ZCWPW2: variants seen among roughly 807,000 people sequenced by gnomAD.
ZCWPW2 encodes zinc finger CW-type and PWWP domain containing 2, also known as zinc finger CW-type PWWP domain protein 2.
Under a neutral mutation model 46.6 loss-of-function variants are expected in ZCWPW2, and 45 were observed. The ratio of observed to expected loss-of-function variants is 0.96; its 90% CI spans 0.76 to 1.24. The LOEUF (loss-of-function observed/expected upper bound fraction) is 1.24, where lower values mean the gene tolerates loss of function less well. Ranked by LOEUF, ZCWPW2 falls within the 50% of genes most tolerant of loss-of-function variation. ZCWPW2 has a pLI of 0.00. For missense variants in ZCWPW2, 429 were observed against 403.9 expected (o/e 1.06, Z -0.53); for synonymous variants, 152 against 137.1 (o/e 1.11, Z -0.76).
chr3:28,367,598 G>T (rs1262905539), intron 1 of ZCWPW2, among the ~76,000 whole-genome samples: 1 of 152,190 alleles, frequency 6.6e-6, no homozygotes, highest in African/African-American at 2.4e-5. Flanking sequence ...GTGTTGTGTG[G>T]TGCTGAAAAG....
At chr3:28,354,037 T>G (rs548812351) in intron 1 of ZCWPW2, among the ~76,000 whole-genome samples, 5 of 152,334 alleles carry the variant, frequency 3.3e-5, no homozygotes, top group Non-Finnish European at 4.4e-5. Flanking sequence ...AGACGCTGTT[T>G]TAGGCACTGG....
chr3:28,381,586 C>T (rs1695107885), intron 1 of ZCWPW2, among the ~76,000 whole-genome samples: 1 of 151,976 alleles, frequency 6.6e-6, no homozygotes, highest in African/African-American at 2.4e-5. Context: ...GTTAGAACAC[C>T]ACCAGCCTGG....
At chr3:28,466,879 T>C (rs1322208645) in intron 4 of ZCWPW2, among the ~76,000 whole-genome samples, 1 of 152,124 alleles carries the variant, frequency 6.6e-6, no homozygotes, top group Admixed American at 6.6e-5. Flanking sequence ...GAAGATTTAA[T>C]ATGGAAGATG....
intron 4 of ZCWPW2, among the ~76,000 whole-genome samples, chr3:28,454,844 C>T (rs1261648793): frequency 6.6e-6 from 1 of 152,188 alleles, no homozygotes; most frequent in Non-Finnish European, 1.5e-5. Context: ...CATAGTATTT[C>T]ATGTTGTATG....
At chr3:28,350,540 T>G (rs186727138) in intron 1 of ZCWPW2, among the ~76,000 whole-genome samples, 1 of 152,168 alleles carries the variant, frequency 6.6e-6, no homozygotes, top group African/African-American at 2.4e-5. Flanking sequence ...TGTACAAATT[T>G]TATTATTTTA....
chr3:28,421,425 G>T lies in ZCWPW2; in HGVS notation c.332+8025G>T, dbSNP rs546781632. ...CAGTCCAGGCTCACCACTGGCCTTT[G>T]GTATGGGGGTAAATGTGGAGGCCAT... On this transcript the variant is annotated intron_variant, in intron 3 of 9. Coordinates refer to ENST00000383768, the MANE Select transcript of ZCWPW2 (RefSeq NM_001040432.4). Among the ~76,000 whole-genome samples the T allele has an allele frequency of 5.9e-5, 9 of 152,206 alleles. No homozygotes were observed. In the South Asian group the frequency reaches 1.9e-3, roughly 32 times the overall value.
At chr3:28,467,771 C>T (rs564254934) in intron 4 of ZCWPW2, among the ~76,000 whole-genome samples, 13 of 152,282 alleles carry the variant, frequency 8.5e-5, no homozygotes, top group East Asian at 1.9e-4. Flanking sequence ...ACTAGGCTTA[C>T]GGGGCTCACT....
At chr3:28,484,443 T>A (rs138146334) in intron 5 of ZCWPW2, among the ~76,000 whole-genome samples, 1 of 152,214 alleles carries the variant, frequency 6.6e-6, no homozygotes, top group African/African-American at 2.4e-5. Flanking sequence ...TTATATTGAT[T>A]CAATTTCTTT....
intron 5 of ZCWPW2, among the ~76,000 whole-genome samples, chr3:28,491,699 T>A (rs1048259263): frequency 1.3e-5 from 2 of 152,062 alleles, no homozygotes; most frequent in Non-Finnish European, 2.9e-5. Flanking sequence ...TACAAGGTTA[T>A]AATGAGAATT....
chr3:28,389,420 A>G (rs1695401122), intron 1 of ZCWPW2, among the ~76,000 whole-genome samples: 1 of 152,158 alleles, frequency 6.6e-6, no homozygotes, highest in East Asian at 1.9e-4. Flanking sequence ...ATGTTTGAAG[A>G]TACTATATGC....
intron 2 of ZCWPW2, among the ~76,000 whole-genome samples, chr3:28,408,690 C>G (rs1345831327): frequency 6.6e-6 from 1 of 152,128 alleles, no homozygotes; most frequent in Admixed American, 6.6e-5. Context: ...ATTCCAGTGT[C>G]AATTTCATAT....
chr3:28,525,897 CCT>C lies in ZCWPW2; in HGVS notation c.*1210_*1211del, dbSNP rs1344774744. ...TGTCATAGGATGTTGAGTTGTAAAG[CCT>C]ATCTGGGTTCATATTTTACATACTA... is the stretch of plus-strand genomic sequence containing the variant. On this transcript the variant is annotated 3_prime_UTR_variant, in exon 10 of 10. Transcript: ENST00000383768. 6.6e-6 allele frequency among the ~76,000 whole-genome samples: 1 copy of C among 152,080 alleles called. No individual in the cohort carries two copies. The highest frequency in any genetic ancestry group is 2.4e-5 in the African/African-American group (1 of 41,402).
At chr3:28,470,492 T>TAA (rs751954217) in intron 4 of ZCWPW2, among the ~76,000 whole-genome samples, 27 of 87,644 alleles carry the variant, frequency 3.1e-4, no homozygotes, top group African/African-American at 1.1e-3. Context: ...GACTCCGTCT[T>TAA]AAAAAAAAAA....
Position 28,435,206 on chromosome 3 carries a change from C to T in ZCWPW2, c.429C>T (p.Gly143=), listed in dbSNP as rs757075731. The T allele has an allele frequency of 7.3e-5, 118 of 1,613,118 alleles. No individual in the cohort carries two copies. The highest frequency in any genetic ancestry group is 2.6e-4 in the South Asian group (24 of 90,944). The change falls in exon 4 of 10, where the codon GGC becomes GGT. Residue 143 remains glycine (G), a synonymous_variant. Transcript: ENST00000383768. ...AAGAGTATCACATAGAATTCCTGGG[C>T]GATCCCCATTCAAGATCATGGATAA... ...NVEEYHIEFL[G]DPHSRSWIKA...
chr3:28,388,768 T>C (rs1695375789), intron 1 of ZCWPW2, among the ~76,000 whole-genome samples: 1 of 152,188 alleles, frequency 6.6e-6, no homozygotes, highest in Non-Finnish European at 1.5e-5. Flanking sequence ...TCTTTGCACC[T>C]TCAGCCAGCA....
chr3:28,434,104 A>T (rs1443063608), intron 3 of ZCWPW2, among the ~76,000 whole-genome samples: 1 of 152,132 alleles, frequency 6.6e-6, no homozygotes, highest in Non-Finnish European at 1.5e-5. Context: ...TTACATTCAC[A>T]ATCAGGAATT....
chr3:28,517,871 C>A (rs1385128581), intron 8 of ZCWPW2, among the ~76,000 whole-genome samples: 2 of 152,106 alleles, frequency 1.3e-5, no homozygotes, highest in Non-Finnish European at 2.9e-5. Flanking sequence ...CATGGTGGCT[C>A]ACGCCTGTAA....
intron 4 of ZCWPW2, among the ~76,000 whole-genome samples, chr3:28,464,134 T>G (rs1698739315): frequency 6.6e-6 from 1 of 152,112 alleles, no homozygotes; most frequent in Admixed American, 6.6e-5. Context: ...GTTTATTTTA[T>G]TATTTTTTAT....
At position 28,525,890 on chromosome 3, in the gene ZCWPW2, T is replaced by C. The variant is rs998617009; in HGVS notation, c.*1202T>C. On this transcript the variant is annotated 3_prime_UTR_variant, in exon 10 of 10. Coordinates refer to ENST00000383768, the MANE Select transcript of ZCWPW2 (RefSeq NM_001040432.4). ...GATATTGTGTCATAGGATGTTGAGTTGTAAAGCCTATCTGGGTTCATATTT... is the reference window on the plus strand; with the variant it reads ...GATATTGTGTCATAGGATGTTGAGTCGTAAAGCCTATCTGGGTTCATATTT... Among the ~76,000 whole-genome samples the C allele has an allele frequency of 1.3e-5, 2 of 152,158 alleles. No individual in the cohort carries two copies. Among genetic ancestry groups the C allele is most frequent in the Non-Finnish European group, 2.9e-5 (2 of 68,008 alleles).
Sources: gnomAD v4.1 joint callset for allele counts (sites outside exome capture counted in the v4.1 genomes callset) on GRCh38, gnomAD v4.1.1 for gene constraint, MANE v1.5 for transcripts, NCBI Gene and HGNC (gene_info 2026-07-23, HGNC 2026-07-21) for gene names.